Variants in STK10 observed in about 807,000 individuals in gnomAD.
STK10 encodes the protein serine/threonine-protein kinase 10.
Under a neutral mutation model 113.8 loss-of-function variants are expected in STK10, and 78 were observed. That is an observed-to-expected ratio of 0.69 (90% CI 0.57 to 0.83). The LOEUF is 0.83. Ranked by LOEUF, STK10 falls within the 40% of genes least tolerant of loss-of-function variation. The probability of loss-of-function intolerance (pLI) is 0.00; values close to 1 mark genes in which losing one functional copy is unlikely to be tolerated. For missense variants in STK10, 1,109 were observed against 1,280.1 expected (o/e 0.87, Z 2.04); for synonymous variants, 465 against 494.7 (o/e 0.94, Z 0.80).
chr5:172,069,234 C>G (rs1768130517), intron 12 of STK10, among the ~76,000 whole-genome samples: 1 of 151,582 alleles, frequency 6.6e-6, no homozygotes, highest in Admixed American at 6.6e-5. Flanking sequence ...TACTAAAAAA[C>G]AAAGATTTTC....
chr5:172,142,498 C>A (rs1769995033), intron 2 of STK10, among the ~76,000 whole-genome samples: 1 of 152,174 alleles, frequency 6.6e-6, no homozygotes, highest in African/African-American at 2.4e-5. Flanking sequence ...CTGGGCCAAC[C>A]TCGGTATCCC....
At chr5:172,048,948 C>G (rs1035413264) in intron 18 of STK10, among the ~76,000 whole-genome samples, 15 of 152,106 alleles carry the variant, frequency 9.9e-5, no homozygotes, top group African/African-American at 3.6e-4. Flanking sequence ...TTGCTCTTCC[C>G]TGTGCTGGGA....
At chr5:172,164,804 C>G (rs139866140) in intron 1 of STK10, among the ~76,000 whole-genome samples, 1 of 152,184 alleles carries the variant, frequency 6.6e-6, no homozygotes, top group Non-Finnish European at 1.5e-5. Flanking sequence ...AAAGAACAAG[C>G]GGCTGTCTGT....
chr5:172,146,359 G>T (rs557376927), intron 2 of STK10, among the ~76,000 whole-genome samples: 1 of 152,264 alleles, frequency 6.6e-6, no homozygotes, highest in African/African-American at 2.4e-5. Context: ...ATCATGACGG[G>T]GACAGAGGCC....
At chr5:172,075,644 C>T (rs1249345018) in intron 12 of STK10, among the ~76,000 whole-genome samples, 1 of 152,184 alleles carries the variant, frequency 6.6e-6, no homozygotes, top group Non-Finnish European at 1.5e-5. Flanking sequence ...CGTGCCATTG[C>T]ACTCCAGCCT....
intron 2 of STK10, among the ~76,000 whole-genome samples, chr5:172,139,721 GTTAAAC>G (rs751496138): frequency 1.7e-4 from 26 of 151,984 alleles, no homozygotes; most frequent in South Asian, 1.0e-3. Context: ...AAAGTGAAGT[GTTAAAC>G]TTAAAAAAGG....
rs567346004 is a variant in STK10, at chr5:172,130,238, A to T, written c.322-2817T>A. Among the ~76,000 whole-genome samples the T allele has an allele frequency of 6.8e-4, 104 of 152,176 alleles. 1 individual carries two copies. Among genetic ancestry groups the T allele is most frequent in the Non-Finnish European group, 1.3e-3 (87 of 68,006 alleles). ...AACAGATGAGGTGGTACTTATAAAG[A>T]CCTAGTCCTAGGCTGGGGGCAGTGA... On this transcript the variant is annotated intron_variant, in intron 2 of 18. Coordinates refer to ENST00000176763, the MANE Select transcript of STK10 (RefSeq NM_005990.4).
At chr5:172,094,048 C>T in intron 8 of STK10, 88 bp from the exon 9 acceptor site, 1 of 1,098,652 alleles carries the variant, frequency 9.1e-7, no homozygotes. Flanking sequence ...AGTCAGACAC[C>T]CTCAAGATGA....
In STK10 at chr5:172,044,170, C is replaced by G. The variant is rs2113674393; in HGVS notation, c.*712G>C. The G allele has an allele frequency of 6.5e-6, 1 of 152,712 alleles. No homozygotes were observed. The highest frequency in any genetic ancestry group is 1.5e-5 in the Non-Finnish European group (1 of 68,348). 9.5% of individuals were successfully genotyped at this position (152,712 alleles called of 1,614,324 possible). A position where few individuals can be genotyped will look rare whatever the true frequency, so the allele number is the denominator to read the frequency against. ...GGCAGAAGAGGCCAGGCCAGCAGAC[C>G]AAGTCCTGTGTGTACGCGTATGTGT... On this transcript the variant is annotated 3_prime_UTR_variant, in exon 19 of 19. Transcript: ENST00000176763. This position sits in a 1 kb window ranked among gnomAD's most constrained non-coding sequence, Gnocchi z 4.5.
rs777210432 is a variant in STK10, at chr5:172,188,071, G to A, written c.-29C>T. The stretch of plus-strand genomic sequence containing the variant: ...CGGGGGCGCGGTGGCGCCGGCTCGG[G>A]CTCGGGCTCGGGCTCGGGCTGTGGC... On this transcript the variant is annotated 5_prime_UTR_variant, in exon 1 of 19. Coordinates refer to ENST00000176763, the MANE Select transcript of STK10 (RefSeq NM_005990.4). The surrounding 1 kb of genome is among the most constrained non-coding windows in gnomAD (Gnocchi z 5.6). The A allele has an allele frequency of 1.7e-5, 27 of 1,595,892 alleles. No individual in the cohort carries two copies. The highest frequency in any genetic ancestry group is 2.3e-5 in the Non-Finnish European group (27 of 1,171,450).
chr5:172,144,002 C>A (rs982585557), intron 2 of STK10, among the ~76,000 whole-genome samples: 2 of 152,216 alleles, frequency 1.3e-5, no homozygotes, highest in Non-Finnish European at 2.9e-5. Flanking sequence ...CTACTGCCAA[C>A]CAAGAGAGAA....
intron 1 of STK10, among the ~76,000 whole-genome samples, chr5:172,173,834 C>T (rs1014112434): frequency 1.3e-5 from 2 of 152,236 alleles, no homozygotes; most frequent in African/African-American, 4.8e-5. Flanking sequence ...GCCACATTTA[C>T]ATCTTGTGTG....
chr5:172,053,605 T>C (rs1375195860), intron 17 of STK10, among the ~76,000 whole-genome samples: 1 of 152,238 alleles, frequency 6.6e-6, no homozygotes, highest in African/African-American at 2.4e-5. Flanking sequence ...ATCTCTCTCA[T>C]AGGCAGCAGT....
rs1770983003 is a variant in STK10 at position 172,187,823 on chromosome 5, T to G, written c.156+64A>C. The G allele has an allele frequency of 6.3e-7, 1 of 1,580,324 alleles. No individual in the cohort carries two copies. The highest frequency in any genetic ancestry group is 1.8e-5 in the Admixed American group (1 of 55,350). On this transcript the variant is annotated intron_variant, in intron 1 of 18. Transcript: ENST00000176763. The surrounding 1 kb of genome is among the most constrained non-coding windows in gnomAD (Gnocchi z 4.6). ...CGGAGCCAGGCTGGCCGGGTCCGGC[T>G]CAGGCATCCCTTCCTTCCGGAGCCC...
At chr5:172,073,085 C>T (rs892709054) in intron 12 of STK10, among the ~76,000 whole-genome samples, 5 of 152,106 alleles carry the variant, frequency 3.3e-5, no homozygotes, top group Admixed American at 6.6e-5. Flanking sequence ...GTGATCCTCT[C>T]TCACCTCAGC....
intron 2 of STK10, 88 bp downstream of exon 2, chr5:172,156,536 A>G (rs1770350975): frequency 6.8e-7 from 1 of 1,476,914 alleles, no homozygotes; most frequent in Non-Finnish European, 9.0e-7. Flanking sequence ...GCAGATGCTG[A>G]GAAAGAGCTG....
intron 2 of STK10, among the ~76,000 whole-genome samples, chr5:172,148,731 C>T (rs1010195974): frequency 6.6e-6 from 1 of 152,230 alleles, no homozygotes; most frequent in Non-Finnish European, 1.5e-5. Context: ...CCAGTGATGC[C>T]CAGAGCCTGG....
Position 172,044,985 on chromosome 5 carries a change from T to C in STK10, c.2804A>G (p.Gln935Arg). The C allele has an allele frequency of 6.2e-7, 1 of 1,614,220 alleles. No individual in the cohort carries two copies. Among genetic ancestry groups the C allele is most frequent in the Non-Finnish European group, 8.5e-7 (1 of 1,180,050 alleles). ...CTCGCTCAGCTTGAAGAACATCTCC[T>C]GCTCCCGCTTCTTCTGGTTCAGATC... The part of the protein sequence containing the change: ...EEDLNQKKRE[Q>R]EMFFKLSEEA... The change falls in exon 19 of 19, where the codon CAG becomes CGG. Residue 935 changes from glutamine (Q) to arginine (R), a missense_variant. Gln to Arg is a conservative substitution (Grantham distance 43). Coordinates refer to ENST00000176763, the MANE Select transcript of STK10 (RefSeq NM_005990.4). The surrounding 1 kb of genome is among the most constrained non-coding windows in gnomAD (Gnocchi z 4.5).
intron 15 of STK10, chr5:172,056,938 A>AGAAAGAAAGAAG (rs1561789900): frequency 1.2e-3 from 82 of 67,494 alleles, no homozygotes; most frequent in African/African-American, 6.1e-3. Flanking sequence ...AGGAAAGAAA[A>AGAAAGAAAGAAG]GAAAGAAAGA....
Sources: allele counts gnomAD v4.1 joint callset (sites outside exome capture counted in the v4.1 genomes callset), GRCh38; gene constraint gnomAD v4.1.1; non-coding constraint Gnocchi (gnomAD v3.1); transcripts MANE v1.5; gene names NCBI Gene and HGNC (gene_info 2026-07-23, HGNC 2026-07-21).